Variants in SMCP observed in about 807,000 individuals in gnomAD.
SMCP encodes the protein sperm mitochondrial-associated cysteine-rich protein.
For synonymous variants in SMCP, 41 were observed against 46.9 expected (o/e 0.87, Z 0.51); for missense variants, 137 against 137.1 (o/e 1.00, Z 0.01).
intron 1 of SMCP, among the ~76,000 whole-genome samples, chr1:152,883,110 G>A (rs1649107060): frequency 6.6e-6 from 1 of 152,132 alleles, no homozygotes; most frequent in African/African-American, 2.4e-5. Flanking sequence ...CAATCCCAAG[G>A]ATGCCAGAGG....
chr1:152,881,525 A>G (rs2101622572), intron 1 of SMCP, among the ~76,000 whole-genome samples: 1 of 151,404 alleles, frequency 6.6e-6, no homozygotes. Context: ...CGTCTCTACT[A>G]AAAATACAAA....
intron 1 of SMCP, among the ~76,000 whole-genome samples, chr1:152,882,813 G>C (rs1309522993): frequency 2.6e-5 from 4 of 152,222 alleles, no homozygotes; most frequent in Non-Finnish European, 4.4e-5. Context: ...AGAGGCTGAG[G>C]TGGTCAGATC....
intron 1 of SMCP, among the ~76,000 whole-genome samples, chr1:152,881,619 C>T (rs1216859871): frequency 6.9e-6 from 1 of 145,754 alleles, no homozygotes; most frequent in Admixed American, 7.1e-5. Context: ...ACCCGGGAAG[C>T]GGAGCTTGCA....
Position 152,884,898 on chromosome 1 carries a change from TTCC to T in SMCP, c.*126_*128del. 1 of 812,544 alleles carries T rather than the reference TTCC, an allele frequency of 1.2e-6. No homozygotes were observed. Among genetic ancestry groups the T allele is most frequent in the Non-Finnish European group, 1.9e-6 (1 of 513,542 alleles). The allele number at this position is 812,544 out of a possible 1,614,324, so 50.3% of individuals were successfully genotyped here. A position where few individuals can be genotyped will look rare whatever the true frequency, so the allele number is the denominator to read the frequency against. On this transcript the variant is annotated 3_prime_UTR_variant, in exon 2 of 2. Coordinates refer to ENST00000368765, the MANE Select transcript of SMCP (RefSeq NM_030663.3). ...AAGCAGTTTTCACAGTGACTACCATTTCCACCCAATGAGAGGCTCCTATTTCCC... is the reference window on the plus strand; with the variant it reads ...AAGCAGTTTTCACAGTGACTACCATTACCCAATGAGAGGCTCCTATTTCCC...
intron 1 of SMCP, among the ~76,000 whole-genome samples, chr1:152,881,676 C>G (rs984535781): frequency 7.8e-6 from 1 of 128,072 alleles, no homozygotes; most frequent in African/African-American, 3.2e-5. Flanking sequence ...GCCTGGGCGA[C>G]AGAGCGAGAC....
intron 1 of SMCP, 82 bp downstream of exon 1, chr1:152,878,528 C>T (rs1244906180): frequency 6.6e-6 from 1 of 152,590 alleles, no homozygotes; most frequent in Non-Finnish European, 1.5e-5. Flanking sequence ...TATTTACCTA[C>T]TGAGACCCAT....
chr1:152,884,384 T>G lies in SMCP; in HGVS notation c.-20-19T>G. The G allele has an allele frequency of 6.2e-7, 1 of 1,601,208 alleles. No individual in the cohort carries two copies. Among genetic ancestry groups the G allele is most frequent in the Non-Finnish European group, 8.5e-7 (1 of 1,170,450 alleles). Reference sequence around the variant, plus strand: ...CACCCAGATTTCCTTCTGATGAGAATATTATTTTCTTTTTCTAGTACCTCC... The same window carrying G: ...CACCCAGATTTCCTTCTGATGAGAAGATTATTTTCTTTTTCTAGTACCTCC... On this transcript the variant is annotated intron_variant, in intron 1 of 1. Transcript: ENST00000368765.
rs1283040168 is a variant in SMCP, at chr1:152,884,667, C to G, written c.245C>G (p.Pro82Arg). The change falls in exon 2 of 2, where the codon CCC (proline) becomes CGC (arginine). Residue 82 changes from proline (P) to arginine (R), a missense_variant. Physicochemically the swap from Pro to Arg is moderately radical, Grantham distance 103 (BLOSUM62 -2). Coordinates refer to ENST00000368765, the MANE Select transcript of SMCP (RefSeq NM_030663.3). ...CGLETKPEVS[P>R]LNMESEPNSP... ...TTGGAGACCAAGCCTGAAGTCTCAC[C>G]CCTTAACATGGAGTCTGAGCCCAAC... The G allele has an allele frequency of 1.9e-6, 3 of 1,614,064 alleles. No homozygotes were observed. The highest frequency in any genetic ancestry group is 2.5e-6 in the Non-Finnish European group (3 of 1,180,042).
chr1:152,884,939 T>G lies in SMCP; in HGVS notation c.*166T>G. ...GCTCCTATTTCCCATCATAGCTCCC[T>G]ACCCTAGGGAGGCCTCCATCTGGAA... On this transcript the variant is annotated 3_prime_UTR_variant, in exon 2 of 2. Coordinates refer to ENST00000368765, the MANE Select transcript of SMCP (RefSeq NM_030663.3). 2 of 641,872 alleles carry G rather than the reference T, an allele frequency of 3.1e-6. No individual in the cohort carries two copies. Among genetic ancestry groups the G allele is most frequent in the Non-Finnish European group, 5.5e-6 (2 of 366,270 alleles). The allele number at this position is 641,872 out of a possible 1,614,324, so 39.8% of individuals were successfully genotyped here. A position where few individuals can be genotyped will look rare whatever the true frequency, so the allele number is the denominator to read the frequency against.
At chr1:152,882,841 C>T (rs1384058899) in intron 1 of SMCP, among the ~76,000 whole-genome samples, 1 of 152,126 alleles carries the variant, frequency 6.6e-6, no homozygotes, top group Non-Finnish European at 1.5e-5. Context: ...GTCAGGAGTT[C>T]GAGACCAGCC....
rs150931533 is a variant in SMCP, at chr1:152,882,251, G to A, written c.-20-2152G>A. Among the ~76,000 whole-genome samples, 26 of 152,292 alleles carry A rather than the reference G, an allele frequency of 1.7e-4. 1 individual carries two copies. In the East Asian group the frequency reaches 4.1e-3, roughly 24 times the overall value. Reference sequence around the variant, plus strand: ...CTCCCAAAGTGCTGGGATTACAGACGTGAGCCACTGTGTCCGGCCCTCCCC... The same window carrying A: ...CTCCCAAAGTGCTGGGATTACAGACATGAGCCACTGTGTCCGGCCCTCCCC... On this transcript the variant is annotated intron_variant, in intron 1 of 1. Coordinates refer to ENST00000368765, the MANE Select transcript of SMCP (RefSeq NM_030663.3).
At chr1:152,881,417 G>A (rs1421071164) in intron 1 of SMCP, among the ~76,000 whole-genome samples, 5 of 152,052 alleles carry the variant, frequency 3.3e-5, no homozygotes, top group Non-Finnish European at 7.4e-5. Flanking sequence ...GGCCGGGCGC[G>A]GTGGCTCACG....
chr1:152,878,938 A>G (rs1184288093), intron 1 of SMCP, among the ~76,000 whole-genome samples: 1 of 152,226 alleles, frequency 6.6e-6, no homozygotes, highest in Non-Finnish European at 1.5e-5. Flanking sequence ...AAAATTCAGC[A>G]GGTGTCTGCT....
chr1:152,884,680 G>A lies in SMCP; in HGVS notation c.258G>A (p.Glu86=). The A allele has an allele frequency of 6.2e-7, 1 of 1,614,200 alleles. No individual in the cohort carries two copies. Among genetic ancestry groups the A allele is most frequent in the Non-Finnish European group, 8.5e-7 (1 of 1,180,042 alleles). Residue 86 remains glutamate, a synonymous_variant, in exon 2 of 2, where the codon GAG becomes GAA. Coordinates refer to ENST00000368765, the MANE Select transcript of SMCP (RefSeq NM_030663.3). ...CTGAAGTCTCACCCCTTAACATGGAGTCTGAGCCCAACTCACCGCAAACTC... is the reference window on the plus strand; with the variant it reads ...CTGAAGTCTCACCCCTTAACATGGAATCTGAGCCCAACTCACCGCAAACTC... ...TKPEVSPLNM[E]SEPNSPQTQD...
At chr1:152,880,559 AGG>A (rs946834333) in intron 1 of SMCP, among the ~76,000 whole-genome samples, 14 of 152,076 alleles carry the variant, frequency 9.2e-5, no homozygotes, top group African/African-American at 3.4e-4. Flanking sequence ...AAGGCATCGC[AGG>A]GCCTGTATCT....
chr1:152,884,224 G>A (rs1649136641), intron 1 of SMCP, among the ~76,000 whole-genome samples, 179 bp from the exon 2 acceptor site: 1 of 152,146 alleles, frequency 6.6e-6, no homozygotes. Context: ...AAACACACTG[G>A]CATATGCAAA....
At chr1:152,881,657 C>T (rs989667608) in intron 1 of SMCP, among the ~76,000 whole-genome samples, 7 of 144,120 alleles carry the variant, frequency 4.9e-5, no homozygotes, top group South Asian at 2.2e-4. Flanking sequence ...CACTGCAGTC[C>T]GCAGTCCGGC....
intron 1 of SMCP, among the ~76,000 whole-genome samples, chr1:152,882,904 C>T (rs1456333015): frequency 2.0e-5 from 3 of 152,138 alleles, no homozygotes; most frequent in East Asian, 1.9e-4. Flanking sequence ...ATTTGCTGGG[C>T]GTGGTGGTAG....
rs149165764 is a variant in SMCP, at chr1:152,883,564, C to G, written c.-20-839C>G. Among the ~76,000 whole-genome samples the G allele has an allele frequency of 3.2e-3, 489 of 152,240 alleles. 2 individuals are homozygous for G. Among genetic ancestry groups the G allele is most frequent in the Non-Finnish European group, 5.0e-3 (342 of 68,006 alleles). On this transcript the variant is annotated intron_variant, in intron 1 of 1. Coordinates refer to ENST00000368765, the MANE Select transcript of SMCP (RefSeq NM_030663.3). ...AGAGTTGTTTGGATTTTCTCTATAC[C>G]TGGAAGAATCAGGAAATGATAAAAC...
Sources: gnomAD v4.1 joint callset for allele counts (sites outside exome capture counted in the v4.1 genomes callset) on GRCh38, gnomAD v4.1.1 for gene constraint, MANE v1.5 for transcripts, NCBI Gene and HGNC (gene_info 2026-07-23, HGNC 2026-07-21) for gene names.